The following C2orf92 variants were observed in gnomAD, a reference collection of about 807,000 sequenced individuals.
The protein encoded by C2orf92 is chromosome 2 open reading frame 92, also known as uncharacterized protein C2orf92.
intron 3 of C2orf92, among the ~76,000 whole-genome samples, chr2:97,688,581 C>G (rs571873620): frequency 2.0e-5 from 3 of 152,266 alleles, no homozygotes; most frequent in Non-Finnish European, 4.4e-5. Context: ...CGAACAGCCT[C>G]AAAGGTGCAT....
intron 3 of C2orf92, chr2:97,677,437 A>T (rs576697237): frequency 6.6e-6 from 1 of 152,228 alleles, no homozygotes; most frequent in Non-Finnish European, 1.5e-5. Flanking sequence ...GGAAACTTTT[A>T]TCAGGTCATT....
intron 2 of C2orf92, 45 bp from the exon 3 acceptor site, chr2:97,675,800 A>G: frequency 2.5e-6 from 1 of 399,110 alleles, no homozygotes; most frequent in Non-Finnish European, 4.4e-6. Flanking sequence ...ACAGCTGCAG[A>G]CCCAATGAAA....
chr2:97,694,431 T>G (rs1370921363), intron 5 of C2orf92: 3 of 150,412 alleles, frequency 2.0e-5, no homozygotes, highest in Non-Finnish European at 4.4e-5. Context: ...TTTTTTTTTT[T>G]TTGTATTTTT....
upstream of C2orf92, chr2:97,669,683 T>G (rs914307469): frequency 3.0e-5 from 12 of 396,680 alleles, no homozygotes; most frequent in Non-Finnish European, 5.3e-5. Context: ...CGTGTATGAC[T>G]TCATAGACCG....
intron 5 of C2orf92, among the ~76,000 whole-genome samples, chr2:97,694,893 C>T (rs1676262820): frequency 6.6e-6 from 1 of 152,202 alleles, no homozygotes; most frequent in Non-Finnish European, 1.5e-5. Flanking sequence ...CGCCAATTCC[C>T]TAATGATTAG....
intron 6 of C2orf92, among the ~76,000 whole-genome samples, chr2:97,699,760 T>C (rs1676433575): frequency 6.6e-6 from 1 of 152,226 alleles, no homozygotes; most frequent in South Asian, 2.1e-4. Flanking sequence ...TCACCCATGC[T>C]GGTACCAAGT....
chr2:97,701,186 C>T lies in C2orf92; in HGVS notation c.547C>T (p.Leu183Phe), dbSNP rs1676483343. Residue 183 changes from leucine to phenylalanine, a missense_variant, in exon 7 of 8, where the codon CTT becomes TTT. By Grantham distance (22) the Leu-to-Phe change is conservative. Transcript: ENST00000627399. Reference protein sequence around the residue: ...AHFRTMPCGQLLHFLQRNTII... With the variant: ...AHFRTMPCGQFLHFLQRNTII... The stretch of plus-strand genomic sequence containing the variant: ...CTTTAGGACTATGCCCTGCGGGCAG[C>T]TTCTGCACTTCCTGCAGAGGAACAC... The T allele has an allele frequency of 5.0e-6, 2 of 398,990 alleles. No individual in the cohort carries two copies. Among genetic ancestry groups the T allele is most frequent in the Admixed American group, 8.8e-5 (2 of 22,714 alleles). The allele number at this position is 398,990 out of a possible 1,614,324, so 24.7% of individuals were successfully genotyped here.
chr2:97,692,656 C>T (rs1369813927), intron 5 of C2orf92, among the ~76,000 whole-genome samples: 1 of 152,058 alleles, frequency 6.6e-6, no homozygotes, highest in Admixed American at 6.6e-5. Flanking sequence ...GTGATCTGCC[C>T]GCCTTGGCCT....
chr2:97,696,688 A>G (rs1356072143), intron 5 of C2orf92, among the ~76,000 whole-genome samples: 1 of 152,200 alleles, frequency 6.6e-6, no homozygotes. Flanking sequence ...GTGAGCCGAG[A>G]TGGGGCCACT....
rs1676537995 is a variant in C2orf92, at chr2:97,702,770, A to T, written c.767A>T (p.Gln256Leu). The change falls in exon 8 of 8, where the codon CAG (glutamine) becomes CTG (leucine). Residue 256 changes from glutamine to leucine, a missense_variant. Gln to Leu is a moderately radical substitution (Grantham distance 113). Coordinates refer to ENST00000627399, the MANE Select transcript of C2orf92 (RefSeq NM_001351368.2). ...EKNFTKLAKK[Q>L]KQLKSSSCV ...AATTTCACAAAACTTGCAAAAAAACAGAAACAGTTGAAGAGCAGCTCCTGT... is the reference window on the plus strand; with the variant it reads ...AATTTCACAAAACTTGCAAAAAAACTGAAACAGTTGAAGAGCAGCTCCTGT... 1 of 398,852 alleles carries T rather than the reference A, an allele frequency of 2.5e-6. No homozygotes were observed. Among genetic ancestry groups the T allele is most frequent in the Non-Finnish European group, 4.4e-6 (1 of 225,866 alleles). 24.7% of individuals were successfully genotyped at this position (398,852 alleles called of 1,614,324 possible). A position where few individuals can be genotyped will look rare whatever the true frequency, so the allele number is the denominator to read the frequency against.
In C2orf92 at chr2:97,680,923, C is replaced by CT. The variant is rs777198091; in HGVS notation, c.232+4996dup. On this transcript the variant is annotated intron_variant, in intron 3 of 7. Transcript: ENST00000627399. ...CCTGGGAGACAGAGCGAGACTCCGTCTCAAAAAAAAACAAAAACCAAAAAA... is the reference window on the plus strand; with the variant it reads ...CCTGGGAGACAGAGCGAGACTCCGTCTTCAAAAAAAAACAAAAACCAAAAAA... 1.3e-4 allele frequency among the ~76,000 whole-genome samples: 20 copies of CT among 151,128 alleles called. No individual in the cohort carries two copies. In the South Asian group the frequency reaches 3.5e-3, roughly 27 times the overall value.
intron 1 of C2orf92, among the ~76,000 whole-genome samples, chr2:97,671,961 T>G (rs968683949): frequency 6.6e-6 from 1 of 152,148 alleles, no homozygotes; most frequent in Admixed American, 6.5e-5. Context: ...TTTCTAACCC[T>G]CCAGGGGACA....
chr2:97,669,931 A>G (rs1675356223), intron 1 of C2orf92, 97 bp downstream of exon 1: 1 of 397,924 alleles, frequency 2.5e-6, no homozygotes, highest in African/African-American at 2.1e-5. Flanking sequence ...GGGAACACAG[A>G]TGCTTTACCT....
At chr2:97,665,497 A>G (rs1353906525), upstream of C2orf92, among the ~76,000 whole-genome samples, 1 of 152,088 alleles carries the variant, frequency 6.6e-6, no homozygotes, top group Non-Finnish European at 1.5e-5. Context: ...TCAGTTACAG[A>G]GTAGGCCATC....
At chr2:97,694,153 T>C (rs1483562029) in intron 5 of C2orf92, among the ~76,000 whole-genome samples, 1 of 152,206 alleles carries the variant, frequency 6.6e-6, no homozygotes, top group African/African-American at 2.4e-5. Context: ...AGTGCAATCA[T>C]ACAGTATTTT....
At chr2:97,679,851 AAAG>A (rs1298280683) in intron 3 of C2orf92, among the ~76,000 whole-genome samples, 2 of 151,190 alleles carry the variant, frequency 1.3e-5, no homozygotes. Context: ...AAAAAAAAAA[AAAG>A]AAAAAAAAGA....
At chr2:97,682,415 T>C (rs1439954661) in intron 3 of C2orf92, among the ~76,000 whole-genome samples, 2 of 152,176 alleles carry the variant, frequency 1.3e-5, no homozygotes, top group Non-Finnish European at 2.9e-5. Context: ...CCTCAAACCC[T>C]TCCAAGAAGC....
chr2:97,700,138 T>A (rs527919386), intron 6 of C2orf92, among the ~76,000 whole-genome samples: 83 of 152,160 alleles, frequency 5.5e-4, no homozygotes, highest in Non-Finnish European at 7.6e-4. Context: ...TCGGCTGAGA[T>A]CTCCTTCCTT....
At chr2:97,680,828 A>T (rs1208896502) in intron 3 of C2orf92, among the ~76,000 whole-genome samples, 2 of 152,174 alleles carry the variant, frequency 1.3e-5, no homozygotes, top group Non-Finnish European at 1.5e-5. Context: ...CAGGAGGCTG[A>T]GGCAGGAGAA....
Sources: allele counts gnomAD v4.1 joint callset (sites outside exome capture counted in the v4.1 genomes callset), GRCh38; gene constraint gnomAD v4.1.1; transcripts MANE v1.5; gene names NCBI Gene and HGNC (gene_info 2026-07-23, HGNC 2026-07-21).